Variants in GPC6 observed in about 807,000 individuals in gnomAD.
The protein encoded by GPC6 is glypican 6.
In GPC6, 14 loss-of-function variants were observed where a neutral mutation model predicts 55.2. The observed-to-expected ratio is 0.25, with a 90% CI of 0.17 to 0.40. GPC6 has a LOEUF of 0.40. Among genes scored for constraint, GPC6 ranks in the 10% least tolerant of loss-of-function variants. GPC6 has a pLI of 1.00. For synonymous variants in GPC6, 278 were observed against 259.6 expected (o/e 1.07, Z -0.68); for missense variants, 641 against 708.5 (o/e 0.90, Z 1.08).
chr13:93,556,284 TTTTTGGG>T (rs1355653624), intron 2 of GPC6, among the ~76,000 whole-genome samples: 1 of 151,686 alleles, frequency 6.6e-6, no homozygotes, highest in Non-Finnish European at 1.5e-5. Context: ...TACTTTTTAA[TTTTTGGG>T]TTACTTTTTT....
intron 1 of GPC6, among the ~76,000 whole-genome samples, chr13:93,288,534 A>AT (rs1878211750): frequency 6.6e-6 from 1 of 152,140 alleles, no homozygotes; most frequent in African/African-American, 2.4e-5. Flanking sequence ...TTTAAGAGAG[A>AT]TTTTATTAAA....
chr13:93,557,855 C>G (rs1875565028), intron 2 of GPC6, among the ~76,000 whole-genome samples: 1 of 151,946 alleles, frequency 6.6e-6, no homozygotes, highest in African/African-American at 2.4e-5. Context: ...TATTTTTTTT[C>G]TTCCAATGGC....
chr13:94,004,054 T>C (rs984899533), intron 3 of GPC6, among the ~76,000 whole-genome samples: 1 of 152,206 alleles, frequency 6.6e-6, no homozygotes, highest in African/African-American at 2.4e-5. Flanking sequence ...CCTTCTTCCA[T>C]GTAACTTAGC....
At chr13:93,837,203 G>A (rs972710560) in intron 3 of GPC6, among the ~76,000 whole-genome samples, 1 of 152,102 alleles carries the variant, frequency 6.6e-6, no homozygotes, top group African/African-American at 2.4e-5. Context: ...CTATGTCTGA[G>A]TTATATTACT....
intron 4 of GPC6, among the ~76,000 whole-genome samples, chr13:94,275,649 A>G (rs1892178742): frequency 1.3e-5 from 2 of 152,148 alleles, no homozygotes; most frequent in South Asian, 4.1e-4. Flanking sequence ...AAAGATAAAC[A>G]ATAACTAAGG....
intron 1 of GPC6, among the ~76,000 whole-genome samples, chr13:93,272,876 C>T (rs1216901062): frequency 2.0e-5 from 3 of 152,044 alleles, no homozygotes; most frequent in African/African-American, 7.2e-5. Context: ...TTCCCAGCTG[C>T]GGAAACAGAA....
intron 2 of GPC6, among the ~76,000 whole-genome samples, chr13:93,829,546 T>C (rs1887401877): frequency 6.6e-6 from 1 of 152,236 alleles, no homozygotes; most frequent in Non-Finnish European, 1.5e-5. Flanking sequence ...CTTTAAGGCT[T>C]TCTGACTCAT....
intron 2 of GPC6, among the ~76,000 whole-genome samples, chr13:93,775,506 A>G (rs994993605): frequency 2.0e-5 from 3 of 152,230 alleles, no homozygotes; most frequent in Non-Finnish European, 4.4e-5. Flanking sequence ...TGCCACCTTC[A>G]GGCCTGGTGA....
At chr13:94,305,952 T>G in intron 5 of GPC6, 28 bp from the exon 6 acceptor site, 1 of 1,610,584 alleles carries the variant, frequency 6.2e-7, no homozygotes, top group Non-Finnish European at 8.5e-7. Context: ...ATTGTATAGC[T>G]GTTTTTACTT....
At chr13:94,363,349 G>A (rs1396850005) in intron 6 of GPC6, among the ~76,000 whole-genome samples, 1 of 152,062 alleles carries the variant, frequency 6.6e-6, no homozygotes, top group Non-Finnish European at 1.5e-5. Flanking sequence ...TATATAAACT[G>A]AAGCAATTCT....
At chr13:93,555,303 T>A (rs569521689) in intron 2 of GPC6, among the ~76,000 whole-genome samples, 2 of 152,210 alleles carry the variant, frequency 1.3e-5, no homozygotes, top group Non-Finnish European at 2.9e-5. Flanking sequence ...TATTCCCTGT[T>A]GAAGTCTAAG....
intron 7 of GPC6, among the ~76,000 whole-genome samples, chr13:94,385,285 A>C: frequency 6.6e-6 from 1 of 152,140 alleles, no homozygotes; most frequent in Non-Finnish European, 1.5e-5. Context: ...GAAAAGGTAC[A>C]GTGACTGGGG....
At chr13:93,901,268 A>G (rs558937133) in intron 3 of GPC6, among the ~76,000 whole-genome samples, 2 of 152,284 alleles carry the variant, frequency 1.3e-5, no homozygotes, top group South Asian at 2.1e-4. Flanking sequence ...GTTTCTTTGT[A>G]AAATATGGCA....
At chr13:93,915,669 A>G (rs891204554) in intron 3 of GPC6, among the ~76,000 whole-genome samples, 1 of 152,080 alleles carries the variant, frequency 6.6e-6, no homozygotes, top group Non-Finnish European at 1.5e-5. Context: ...CATGAACCCT[A>G]TTGCTCATAA....
chr13:93,667,680 A>T lies in GPC6; in HGVS notation c.319+122259A>T, dbSNP rs192536623. 8.8e-3 allele frequency among the ~76,000 whole-genome samples: 1,303 copies of T among 148,296 alleles called. 37 individuals are homozygous for T. Among genetic ancestry groups the T allele is most frequent in the African/African-American group, 0.031 (1,236 of 40,300 alleles). ...ACTCCTGACCTCAAGTAATCTGCCC[A>T]CCTTGGCCTTGTGCTGGGATTATAG... On this transcript the variant is annotated intron_variant, in intron 2 of 8. Coordinates refer to ENST00000377047, the MANE Select transcript of GPC6 (RefSeq NM_005708.5).
chr13:93,716,245 C>T (rs745985102), intron 2 of GPC6, among the ~76,000 whole-genome samples: 27 of 151,588 alleles, frequency 1.8e-4, no homozygotes, highest in African/African-American at 3.6e-4. Flanking sequence ...TATTTCAGAG[C>T]GTACACCTCC....
At chr13:93,761,135 T>C (rs937905496) in intron 2 of GPC6, among the ~76,000 whole-genome samples, 12 of 152,304 alleles carry the variant, frequency 7.9e-5, no homozygotes, top group African/African-American at 2.6e-4. Context: ...TTCTCTATTT[T>C]TGAAGAAAAT....
At chr13:93,891,462 C>T (rs1311255306) in intron 3 of GPC6, among the ~76,000 whole-genome samples, 1 of 152,104 alleles carries the variant, frequency 6.6e-6, no homozygotes, top group African/African-American at 2.4e-5. Flanking sequence ...GCCCTTCATC[C>T]ATCAGAGAAA....
chr13:93,310,509 G>C (rs567334827), intron 1 of GPC6, among the ~76,000 whole-genome samples: 3 of 152,160 alleles, frequency 2.0e-5, no homozygotes, highest in Non-Finnish European at 2.9e-5. Flanking sequence ...TGAACTTGTA[G>C]TGATTGGATA....
Sources: allele counts gnomAD v4.1 joint callset (sites outside exome capture counted in the v4.1 genomes callset), GRCh38; gene constraint gnomAD v4.1.1; transcripts MANE v1.5; gene names NCBI Gene and HGNC (gene_info 2026-07-23, HGNC 2026-07-21).